LRRC4C: variants seen among roughly 807,000 people sequenced by gnomAD.
LRRC4C encodes the protein leucine-rich repeat-containing protein 4C.
A neutral mutation model predicts 33.6 loss-of-function variants in LRRC4C; 5 were observed. The ratio of observed to expected loss-of-function variants is 0.15; its 90% CI spans 0.08 to 0.31. LRRC4C has a LOEUF of 0.31. LRRC4C is among the 10% of genes least tolerant of loss of function. The pLI, the probability that LRRC4C is intolerant of heterozygous loss-of-function variation, is 1.00. For synonymous variants in LRRC4C, 329 were observed against 302.0 expected (o/e 1.09, Z -0.93); for missense variants, 560 against 796.7 (o/e 0.70, Z 3.58).
intron 1 of LRRC4C, among the ~76,000 whole-genome samples, chr11:41,086,430 G>A (rs957409382): frequency 1.3e-5 from 2 of 151,940 alleles, no homozygotes; most frequent in African/African-American, 4.8e-5. Flanking sequence ...GGATTTATTG[G>A]TGCAAAAATA....
chr11:41,074,997 C>T (rs1045861892), intron 1 of LRRC4C, among the ~76,000 whole-genome samples: 1 of 127,290 alleles, frequency 7.9e-6, no homozygotes, highest in Non-Finnish European at 1.8e-5. Context: ...CCCCATCCTC[C>T]CACAACCTTC....
chr11:40,880,548 A>AAG, intron 2 of LRRC4C, among the ~76,000 whole-genome samples: 1 of 150,984 alleles, frequency 6.6e-6, no homozygotes, highest in African/African-American at 2.4e-5. Flanking sequence ...TAAATGAAAA[A>AAG]AAAAAAAAAA....
intron 3 of LRRC4C, among the ~76,000 whole-genome samples, chr11:40,593,024 A>C (rs184842191): frequency 4.6e-5 from 7 of 152,348 alleles, no homozygotes; most frequent in African/African-American, 1.7e-4. Context: ...TGAAGAGAGT[A>C]AATTTACTAA....
At chr11:40,431,105 A>AT (rs1283323692) in intron 3 of LRRC4C, among the ~76,000 whole-genome samples, 3 of 74,668 alleles carry the variant, frequency 4.0e-5, no homozygotes, top group Non-Finnish European at 5.5e-5. Flanking sequence ...AATAAAAAAA[A>AT]AAAAAAAAAA....
intron 1 of LRRC4C, among the ~76,000 whole-genome samples, chr11:41,252,808 A>G (rs1172876171): frequency 1.3e-5 from 2 of 152,154 alleles, no homozygotes; most frequent in Non-Finnish European, 2.9e-5. Flanking sequence ...CTTACATGGC[A>G]GCAGGCAAGA....
chr11:40,440,511 C>T (rs10837411), intron 3 of LRRC4C, among the ~76,000 whole-genome samples: 55,159 of 151,700 alleles, frequency 0.36, 10,668 homozygotes, highest in East Asian at 0.53. Context: ...TCTCACAATC[C>T]CTCCTACTTA....
chr11:40,964,648 G>T (rs1434453657), intron 1 of LRRC4C, among the ~76,000 whole-genome samples: 4 of 151,430 alleles, frequency 2.6e-5, no homozygotes, highest in Non-Finnish European at 5.9e-5. Flanking sequence ...GTGATAGTTT[G>T]CTAAGAATGA....
chr11:40,634,403 G>A (rs1439230714), intron 3 of LRRC4C, among the ~76,000 whole-genome samples: 5 of 151,978 alleles, frequency 3.3e-5, no homozygotes, highest in Non-Finnish European at 7.4e-5. Flanking sequence ...TTGGTTTTAG[G>A]GTTTACGGAT....
intron 1 of LRRC4C, among the ~76,000 whole-genome samples, chr11:41,007,605 A>C (rs1227515768): frequency 6.6e-6 from 1 of 152,174 alleles, no homozygotes; most frequent in African/African-American, 2.4e-5. Context: ...GTAAGTGTCC[A>C]TCAGCAGAAT....
rs186941669 is a variant in LRRC4C at position 40,581,163 on chromosome 11, A to T, written c.-270+66979T>A. ...GTGCTTTGGTAAATCTGAACTGGCT[A>T]ATTACACTAACAGAAAATTGCCCCA... On this transcript the variant is annotated intron_variant, in intron 3 of 6. Transcript: ENST00000528697. Among the ~76,000 whole-genome samples, 492 of 152,346 alleles carry T rather than the reference A, an allele frequency of 3.2e-3. 3 individuals carry two copies. The highest frequency in any genetic ancestry group is 0.011 in the African/African-American group (478 of 41,576).
At chr11:41,350,292 T>C (rs1447049176) in intron 1 of LRRC4C, among the ~76,000 whole-genome samples, 2 of 151,954 alleles carry the variant, frequency 1.3e-5, no homozygotes, top group Non-Finnish European at 2.9e-5. Context: ...GGGCGGATCA[T>C]GAGGTCAGGA....
intron 1 of LRRC4C, among the ~76,000 whole-genome samples, chr11:41,045,525 CT>C (rs1481544982): frequency 6.6e-6 from 1 of 152,084 alleles, no homozygotes; most frequent in African/African-American, 2.4e-5. Flanking sequence ...AACTGTTCCT[CT>C]TTTTCTGAAA....
chr11:40,423,378 TCTGTCGCC>T (rs1372580779), intron 3 of LRRC4C, among the ~76,000 whole-genome samples: 2 of 132,822 alleles, frequency 1.5e-5, no homozygotes, highest in Non-Finnish European at 3.1e-5. Flanking sequence ...GGAGTCTCGC[TCTGTCGCC>T]CAGGCTGGAG....
chr11:40,709,827 A>G (rs761459871), intron 2 of LRRC4C, among the ~76,000 whole-genome samples: 1 of 152,192 alleles, frequency 6.6e-6, no homozygotes, highest in African/African-American at 2.4e-5. Context: ...AGGTACACCA[A>G]TCAAATGTAG....
intron 1 of LRRC4C, among the ~76,000 whole-genome samples, chr11:41,315,017 C>A (rs7101542): frequency 6.6e-6 from 1 of 151,944 alleles, no homozygotes; most frequent in African/African-American, 2.4e-5. Context: ...TCATAACCTA[C>A]GAAATAAGAC....
chr11:40,963,661 A>T (rs945194633), intron 1 of LRRC4C, among the ~76,000 whole-genome samples: 8 of 151,766 alleles, frequency 5.3e-5, no homozygotes, highest in African/African-American at 1.9e-4. Flanking sequence ...ATTGAACTTT[A>T]GTTTAAAATA....
At chr11:40,644,809 G>A (rs1942341244) in intron 3 of LRRC4C, among the ~76,000 whole-genome samples, 1 of 152,148 alleles carries the variant, frequency 6.6e-6, no homozygotes, top group Admixed American at 6.5e-5. Flanking sequence ...GGCAACAGGA[G>A]GGTCCCTTGT....
intron 4 of LRRC4C, among the ~76,000 whole-genome samples, chr11:40,255,573 T>A (rs745682907): frequency 6.6e-6 from 1 of 152,194 alleles, no homozygotes; most frequent in Non-Finnish European, 1.5e-5. Flanking sequence ...CTAACCCAAA[T>A]AGAGTTGATG....
intron 3 of LRRC4C, among the ~76,000 whole-genome samples, chr11:40,326,419 G>T (rs967229348): frequency 6.6e-6 from 1 of 151,976 alleles, no homozygotes; most frequent in Non-Finnish European, 1.5e-5. Context: ...AAAATTAGCT[G>T]GGCATGGTGG....
Sources: gnomAD v4.1 joint callset for allele counts (sites outside exome capture counted in the v4.1 genomes callset) on GRCh38, gnomAD v4.1.1 for gene constraint, MANE v1.5 for transcripts, NCBI Gene and HGNC (gene_info 2026-07-23, HGNC 2026-07-21) for gene names.